XKR9: variants seen among roughly 807,000 people sequenced by gnomAD.
XKR9 encodes the protein XK related 9, also known as XK-related protein 9.
XKR9 carries 32 observed loss-of-function variants against 32.0 expected under a neutral mutation model. The observed-to-expected ratio is 1.00, with a 90% confidence interval of 0.76 to 1.34. The LOEUF (loss-of-function observed/expected upper bound fraction) is 1.34, where lower values mean the gene tolerates loss of function less well. Ranked by LOEUF, XKR9 falls within the 40% of genes most tolerant of loss-of-function variation. The probability of loss-of-function intolerance (pLI) is 0.00; values close to 1 mark genes in which losing one functional copy is unlikely to be tolerated. For synonymous variants in XKR9, 168 were observed against 143.4 expected, an observed-to-expected ratio of 1.17 and a Z score of -1.22; for missense variants, 546 against 429.7, an observed-to-expected ratio of 1.27 and a Z score of -2.39.
chr8:70,838,982 C>T, the XKR9 span, among the ~76,000 whole-genome samples: 1 of 151,398 alleles, frequency 6.6e-6, no homozygotes, highest in Non-Finnish European at 1.5e-5. Flanking sequence ...TTTTTCAGCT[C>T]TCTAATATAT....
At chr8:70,988,054 C>G in the XKR9 span, among the ~76,000 whole-genome samples, 2 of 152,144 alleles carry the variant, frequency 1.3e-5, no homozygotes, top group African/African-American at 4.8e-5. Flanking sequence ...AGGCTGCGCA[C>G]AGCTTGAGGA....
chr8:71,032,507 G>T, the XKR9 span, among the ~76,000 whole-genome samples: 1 of 152,038 alleles, frequency 6.6e-6, no homozygotes, highest in Non-Finnish European at 1.5e-5. Context: ...AAAAGGAAAA[G>T]CTAGACAGAT....
intron 2 of XKR9, among the ~76,000 whole-genome samples, chr8:70,741,815 C>G (rs1563463956): frequency 2.6e-5 from 4 of 152,126 alleles, no homozygotes; most frequent in Non-Finnish European, 5.9e-5. Context: ...GTTTTAAATC[C>G]TATTCAGAAG....
At chr8:71,033,965 G>T in the XKR9 span, among the ~76,000 whole-genome samples, 3 of 152,158 alleles carry the variant, frequency 2.0e-5, no homozygotes, top group Non-Finnish European at 4.4e-5. Flanking sequence ...TACTTCACAT[G>T]TTCATACACA....
At chr8:70,799,497 A>G in the XKR9 span, among the ~76,000 whole-genome samples, 1 of 151,714 alleles carries the variant, frequency 6.6e-6, no homozygotes, top group African/African-American at 2.4e-5. Flanking sequence ...TGCCCAGCTA[A>G]TTTTTTTGTA....
intron 4 of XKR9, among the ~76,000 whole-genome samples, chr8:70,725,770 G>T (rs1036291296): frequency 4.6e-5 from 7 of 152,010 alleles, no homozygotes; most frequent in African/African-American, 1.4e-4. Context: ...GCTGGGCATG[G>T]TAGTGGTCGC....
At chr8:70,701,789 A>G (rs994408106) in intron 3 of XKR9, among the ~76,000 whole-genome samples, 14 of 152,156 alleles carry the variant, frequency 9.2e-5, no homozygotes, top group African/African-American at 3.4e-4. Flanking sequence ...TCTTGCTACT[A>G]TGTATGCCAT....
At chr8:70,787,715 C>A (rs1008605268) in intron 2 of XKR9, among the ~76,000 whole-genome samples, 1 of 151,972 alleles carries the variant, frequency 6.6e-6, no homozygotes, top group Non-Finnish European at 1.5e-5. Flanking sequence ...ACAGACAAAC[C>A]AAGTCTGTGT....
the XKR9 span, among the ~76,000 whole-genome samples, chr8:70,985,936 T>C: frequency 6.6e-6 from 1 of 152,180 alleles, no homozygotes; most frequent in Non-Finnish European, 1.5e-5. Context: ...AATTTTATAG[T>C]TGTATTTATA....
chr8:70,732,528 G>T lies in XKR9; in HGVS notation c.494-1268G>T, dbSNP rs914301649. 2.6e-5 allele frequency among the ~76,000 whole-genome samples: 4 copies of T among 152,284 alleles called. No homozygotes were observed. In the South Asian group the frequency reaches 8.3e-4, roughly 32 times the overall value. On this transcript the variant is annotated intron_variant, in intron 4 of 4. Transcript: ENST00000408926. ...GGCTGGTAGTCACAAGGCCATTCCT[G>T]GACGAGCCCCCATATTTGTAACCAC...
chr8:70,925,234 C>G, the XKR9 span, among the ~76,000 whole-genome samples: 1 of 152,128 alleles, frequency 6.6e-6, no homozygotes, highest in African/African-American at 2.4e-5. Context: ...ATATGCTCCT[C>G]CAAAATACAC....
intron 4 of XKR9, among the ~76,000 whole-genome samples, chr8:70,710,910 A>G (rs77050534): frequency 2.1e-3 from 326 of 152,314 alleles, no homozygotes; most frequent in African/African-American, 7.1e-3. Flanking sequence ...TCTAGAATCT[A>G]TAAGGAACTT....
chr8:71,049,043 A>C, the XKR9 span, among the ~76,000 whole-genome samples: 1 of 152,214 alleles, frequency 6.6e-6, no homozygotes, highest in African/African-American at 2.4e-5. Flanking sequence ...TCTCAGAAGA[A>C]AATGCAACTG....
the XKR9 span, among the ~76,000 whole-genome samples, chr8:70,842,313 A>G: frequency 6.6e-6 from 1 of 152,054 alleles, no homozygotes; most frequent in Non-Finnish European, 1.5e-5. Flanking sequence ...CACAATTTTT[A>G]CCATTTGGCA....
chr8:70,798,041 T>A, the XKR9 span, among the ~76,000 whole-genome samples: 1 of 152,202 alleles, frequency 6.6e-6, no homozygotes, highest in Non-Finnish European at 1.5e-5. Context: ...TATGGTAGAA[T>A]GATTTATATT....
chr8:70,719,115 T>G (rs886677972), intron 4 of XKR9, among the ~76,000 whole-genome samples: 1 of 152,208 alleles, frequency 6.6e-6, no homozygotes, highest in East Asian at 1.9e-4. Context: ...TGTCTTCTTT[T>G]GAGAAGTGTC....
chr8:70,765,991 T>G (rs1256517529), intron 2 of XKR9, among the ~76,000 whole-genome samples: 1 of 151,774 alleles, frequency 6.6e-6, no homozygotes, highest in Non-Finnish European at 1.5e-5. Flanking sequence ...ACAGTCTTCT[T>G]GTTTTGGTTA....
At chr8:70,898,680 A>T in the XKR9 span, among the ~76,000 whole-genome samples, 1 of 152,168 alleles carries the variant, frequency 6.6e-6, no homozygotes, top group Non-Finnish European at 1.5e-5. Flanking sequence ...TTATGGTTCA[A>T]GAACATACTT....
the XKR9 span, among the ~76,000 whole-genome samples, chr8:70,885,832 A>G: frequency 6.6e-6 from 1 of 152,080 alleles, no homozygotes; most frequent in African/African-American, 2.4e-5. Context: ...TCCTGACTTC[A>G]TGATATGCCC....
Sources: allele counts gnomAD v4.1 joint callset (sites outside exome capture counted in the v4.1 genomes callset), GRCh38; gene constraint gnomAD v4.1.1; transcripts MANE v1.5; gene names NCBI Gene and HGNC (gene_info 2026-07-23, HGNC 2026-07-21).